The following GRAMD1B variants were observed in gnomAD, a reference collection of about 807,000 sequenced individuals.
GRAMD1B encodes the protein GRAM domain containing 1B, also known as protein Aster-B.
A neutral mutation model predicts 99.7 loss-of-function variants in GRAMD1B; 37 were observed. The observed-to-expected ratio is 0.37, with a 90% CI of 0.29 to 0.49. The LOEUF (loss-of-function observed/expected upper bound fraction) is 0.49. Ranked by LOEUF, GRAMD1B falls within the 20% of genes least tolerant of loss-of-function variation. GRAMD1B has a pLI of 0.98. For missense variants in GRAMD1B, 888 were observed against 1,009.2 expected (o/e 0.88, Z 1.63); for synonymous variants, 427 against 387.6 (o/e 1.10, Z -1.19).
At chr11:123,487,843 G>A (rs1938041616) in intron 2 of GRAMD1B, among the ~76,000 whole-genome samples, 1 of 152,118 alleles carries the variant, frequency 6.6e-6, no homozygotes, top group Admixed American at 6.5e-5. Context: ...CTGATTTCAG[G>A]GGATCTGCCT....
intron 1 of GRAMD1B, among the ~76,000 whole-genome samples, chr11:123,465,704 G>A (rs1176314567): frequency 6.6e-6 from 1 of 151,852 alleles, no homozygotes; most frequent in Non-Finnish European, 1.5e-5. Flanking sequence ...GGGAGGCGGA[G>A]GTTGCAGTAA....
intron 2 of GRAMD1B, among the ~76,000 whole-genome samples, chr11:123,536,915 A>G (rs1017500433): frequency 6.6e-6 from 1 of 152,180 alleles, no homozygotes; most frequent in Non-Finnish European, 1.5e-5. Flanking sequence ...CAAGTCACCA[A>G]TGACCTCATC....
chr11:123,593,075 T>A (rs1950856685), intron 4 of GRAMD1B, among the ~76,000 whole-genome samples: 2 of 151,618 alleles, frequency 1.3e-5, no homozygotes, highest in Non-Finnish European at 2.9e-5. Context: ...CTAGTAAAAA[T>A]ACAAAAATTA....
At chr11:123,523,174 A>G (rs1942361469) in intron 2 of GRAMD1B, among the ~76,000 whole-genome samples, 1 of 152,142 alleles carries the variant, frequency 6.6e-6, no homozygotes, top group South Asian at 2.1e-4. Flanking sequence ...TCTACTAAAA[A>G]TACAAAAATT....
In GRAMD1B at chr11:123,591,250, G is replaced by C; in HGVS notation, c.685-2832G>C. On this transcript the variant is annotated intron_variant, in intron 4 of 19. Transcript: ENST00000635736. This position sits in a 1 kb window ranked among gnomAD's most constrained non-coding sequence, Gnocchi z 4.7. ...AGGAGCAGAAAGGACACCTGTCAGA[G>C]TCACACAGGCCCTCTGCTGAGAAAC... The C allele has an allele frequency of 2.5e-6, 1 of 396,048 alleles. No homozygotes were observed. Among genetic ancestry groups the C allele is most frequent in the East Asian group, 3.6e-5 (1 of 27,968 alleles). The allele number at this position is 396,048 out of a possible 1,614,324, so 24.5% of individuals were successfully genotyped here.
chr11:123,621,821 T>A (rs1955142934), intron 19 of GRAMD1B, among the ~76,000 whole-genome samples: 1 of 152,226 alleles, frequency 6.6e-6, no homozygotes, highest in African/African-American at 2.4e-5. Context: ...TGAGACCCAG[T>A]AAGCCCTACC....
chr11:123,575,843 C>T (rs1948648652), intron 2 of GRAMD1B, among the ~76,000 whole-genome samples: 2 of 152,156 alleles, frequency 1.3e-5, no homozygotes, highest in South Asian at 4.1e-4. Context: ...TTGAAAGAGG[C>T]ATCTTGGGCC....
intron 2 of GRAMD1B, among the ~76,000 whole-genome samples, chr11:123,544,553 C>T (rs1029055448): frequency 6.6e-6 from 1 of 152,208 alleles, no homozygotes; most frequent in Non-Finnish European, 1.5e-5. Flanking sequence ...CTGTAGGTGG[C>T]TTTCCAACCT....
In GRAMD1B at chr11:123,625,964, G is replaced by GA. The variant is rs1955483654; in HGVS notation, c.*3370dup. 6.8e-6 allele frequency: 1 copy of GA among 146,944 alleles called. No homozygotes were observed. Among genetic ancestry groups the GA allele is most frequent in the African/African-American group, 2.4e-5 (1 of 40,896 alleles). 9.1% of individuals were successfully genotyped at this position (146,944 alleles called of 1,614,324 possible). A position where few individuals can be genotyped will look rare whatever the true frequency, so the allele number is the denominator to read the frequency against. ...AGAGAGAGAGAGAGAGAGAGAGAGA[G>GA]AGAGAGAGAGAGAGAGATCGAGCTT... On this transcript the variant is annotated 3_prime_UTR_variant, in exon 20 of 20. Transcript: ENST00000635736.
intron 1 of GRAMD1B, among the ~76,000 whole-genome samples, chr11:123,463,976 A>G (rs1950550006): frequency 6.6e-6 from 1 of 152,168 alleles, no homozygotes; most frequent in South Asian, 2.1e-4. Context: ...GGAAGACTTC[A>G]AGAGACTGTA....
intron 3 of GRAMD1B, among the ~76,000 whole-genome samples, chr11:123,583,452 G>A (rs1376332452): frequency 1.3e-5 from 2 of 152,056 alleles, no homozygotes; most frequent in Non-Finnish European, 2.9e-5. Flanking sequence ...GCGTGTATGT[G>A]TATGAGTATG....
At chr11:123,461,535 CTCTG>C (rs1329940909) in intron 1 of GRAMD1B, among the ~76,000 whole-genome samples, 1 of 152,238 alleles carries the variant, frequency 6.6e-6, no homozygotes, top group African/African-American at 2.4e-5. Flanking sequence ...TGGCACACTG[CTCTG>C]TCTTTTTTGG....
At chr11:123,358,476 G>C (rs936175130) in exon 1 of GRAMD1B, 32 of 152,152 alleles carry the variant, frequency 2.1e-4, no homozygotes, top group African/African-American at 7.7e-4. Context: ...GGAGAGCGGG[G>C]GAGTTCCGCT....
At chr11:123,581,109 C>A (rs1949312426) in intron 3 of GRAMD1B, among the ~76,000 whole-genome samples, 1 of 152,100 alleles carries the variant, frequency 6.6e-6, no homozygotes. Context: ...TTTCTGGAAA[C>A]CACCTCCCAG....
intron 2 of GRAMD1B, among the ~76,000 whole-genome samples, chr11:123,535,290 G>GTT (rs563808023): frequency 2.8e-5 from 4 of 144,868 alleles, no homozygotes; most frequent in African/African-American, 7.5e-5. Context: ...CAGGAAAGAT[G>GTT]TTTTTTTTTT....
chr11:123,377,808 C>A (rs1475539449), intron 1 of GRAMD1B, among the ~76,000 whole-genome samples: 1 of 152,170 alleles, frequency 6.6e-6, no homozygotes, highest in Non-Finnish European at 1.5e-5. Context: ...GAAAGATTAG[C>A]CATCTAAAGA....
chr11:123,424,253 C>CAA (rs1029881122), intron 1 of GRAMD1B, among the ~76,000 whole-genome samples: 51 of 104,270 alleles, frequency 4.9e-4, no homozygotes, highest in African/African-American at 1.2e-3. Context: ...CCCCCAACAC[C>CAA]AAAAAAAAAA....
chr11:123,485,504 A>G lies in GRAMD1B; in HGVS notation c.452+4611A>G, dbSNP rs185964118. 2.2e-4 allele frequency among the ~76,000 whole-genome samples: 34 copies of G among 152,282 alleles called. No homozygotes were observed. The East Asian group carries it at 5.6e-3, about 25-fold the overall frequency. On this transcript the variant is annotated intron_variant, in intron 2 of 19. Transcript: ENST00000635736. Reference sequence around the variant, plus strand: ...CTGAAGGAAAGACTTTGGAACCTTGACAGGAGTAGAGCGTAGGTTGAAGGA... The same window carrying G: ...CTGAAGGAAAGACTTTGGAACCTTGGCAGGAGTAGAGCGTAGGTTGAAGGA...
intron 1 of GRAMD1B, among the ~76,000 whole-genome samples, chr11:123,408,186 A>G (rs1947919874): frequency 6.6e-6 from 1 of 152,240 alleles, no homozygotes; most frequent in South Asian, 2.1e-4. Context: ...CGGAATAATC[A>G]GCTTTTGTGG....
Sources: gnomAD v4.1 joint callset for allele counts (sites outside exome capture counted in the v4.1 genomes callset) on GRCh38, gnomAD v4.1.1 for gene constraint, Gnocchi (gnomAD v3.1) non-coding constraint, MANE v1.5 for transcripts, NCBI Gene and HGNC (gene_info 2026-07-23, HGNC 2026-07-21) for gene names.